Variants in TENM2 observed in about 807,000 individuals in gnomAD.
TENM2 encodes the protein teneurin-2.
TENM2 carries 52 observed loss-of-function variants against 245.2 expected under a neutral mutation model. The observed-to-expected ratio is 0.21, with a 90% CI of 0.17 to 0.27. The LOEUF is 0.27. Among genes scored for constraint, TENM2 ranks in the 10% least tolerant of loss-of-function variants. The probability of loss-of-function intolerance (pLI) is 1.00; values close to 1 mark genes in which losing one functional copy is unlikely to be tolerated. For synonymous variants in TENM2, 1,363 were observed against 1,438.9 expected, an observed-to-expected ratio of 0.95 and a Z score of 1.19; for missense variants, 3,046 against 3,666.8, an observed-to-expected ratio of 0.83 and a Z score of 4.37.
intron 12 of TENM2, among the ~76,000 whole-genome samples, chr5:168,159,269 C>T (rs1464360223): frequency 6.6e-6 from 1 of 152,152 alleles, no homozygotes; most frequent in African/African-American, 2.4e-5. Context: ...AACCTTTAGT[C>T]TCCAGGCAGC....
chr5:167,300,699 C>T (rs1166170724), intron 1 of TENM2, among the ~76,000 whole-genome samples: 3 of 151,562 alleles, frequency 2.0e-5, no homozygotes, highest in Admixed American at 1.3e-4. Flanking sequence ...CATGATTGGT[C>T]GATAAGGAAG....
chr5:167,393,150 AT>A (rs111551303), intron 2 of TENM2, among the ~76,000 whole-genome samples: 6,871 of 151,928 alleles, frequency 0.045, 306 homozygotes, highest in African/African-American at 0.12. Context: ...AAAAAAGTTA[AT>A]TTTTATTAGG....
At chr5:167,863,656 T>C (rs938750368) in intron 2 of TENM2, among the ~76,000 whole-genome samples, 5 of 151,946 alleles carry the variant, frequency 3.3e-5, no homozygotes, top group African/African-American at 1.2e-4. Context: ...AATAAATAAA[T>C]AAATATTAAA....
intron 4 of TENM2, among the ~76,000 whole-genome samples, chr5:167,957,786 G>A (rs150854886): frequency 6.6e-6 from 1 of 152,122 alleles, no homozygotes. Flanking sequence ...GTGCAGATTT[G>A]AGTGAGTTTC....
chr5:167,064,078 G>C, the TENM2 span, among the ~76,000 whole-genome samples: 3 of 152,148 alleles, frequency 2.0e-5, no homozygotes, highest in African/African-American at 7.2e-5. Flanking sequence ...CATGTGGGCT[G>C]TTTGCCCAAG....
intron 9 of TENM2, among the ~76,000 whole-genome samples, chr5:168,107,552 T>C (rs1235535581): frequency 2.1e-5 from 2 of 94,924 alleles, no homozygotes; most frequent in Non-Finnish European, 2.1e-5. Context: ...TTAGCAAGCC[T>C]CCTGGGGGGG....
chr5:167,244,496 A>T, the TENM2 span, among the ~76,000 whole-genome samples: 5 of 152,172 alleles, frequency 3.3e-5, no homozygotes, highest in Non-Finnish European at 7.3e-5. Context: ...GCGTTTTCCG[A>T]TGTATTTGTC....
intron 2 of TENM2, among the ~76,000 whole-genome samples, chr5:167,798,997 G>A (rs1765514212): frequency 6.6e-6 from 1 of 152,172 alleles, no homozygotes; most frequent in Non-Finnish European, 1.5e-5. Context: ...AGGCTTTGAT[G>A]GGGTTAGGAA....
At chr5:168,026,813 T>G (rs1381808581) in intron 5 of TENM2, among the ~76,000 whole-genome samples, 1 of 152,100 alleles carries the variant, frequency 6.6e-6, no homozygotes, top group Non-Finnish European at 1.5e-5. Context: ...TAAAATAGAT[T>G]TTTACTGTGA....
At chr5:167,136,418 G>A in the TENM2 span, among the ~76,000 whole-genome samples, 3 of 152,288 alleles carry the variant, frequency 2.0e-5, no homozygotes, top group East Asian at 3.9e-4. Flanking sequence ...TGGTTTATCA[G>A]CACTGGTTGT....
chr5:167,313,700 T>G (rs549151856), intron 1 of TENM2, among the ~76,000 whole-genome samples: 1 of 152,318 alleles, frequency 6.6e-6, no homozygotes, highest in South Asian at 2.1e-4. Flanking sequence ...GAGGCATAAA[T>G]GATTGCCCTT....
intron 2 of TENM2, among the ~76,000 whole-genome samples, chr5:167,400,667 A>G (rs1232908842): frequency 2.0e-5 from 3 of 152,092 alleles, no homozygotes; most frequent in African/African-American, 7.2e-5. Context: ...AGGGCCAAGG[A>G]CACGACCCTA....
At chr5:167,370,857 G>A (rs946514156) in intron 1 of TENM2, among the ~76,000 whole-genome samples, 1 of 152,172 alleles carries the variant, frequency 6.6e-6, no homozygotes, top group Non-Finnish European at 1.5e-5. Context: ...ATCTTAGCTT[G>A]GAGAATCACA....
chr5:167,550,021 G>T (rs1021471330), intron 2 of TENM2, among the ~76,000 whole-genome samples: 2 of 152,282 alleles, frequency 1.3e-5, no homozygotes, highest in Non-Finnish European at 2.9e-5. Context: ...GCCAGAAATT[G>T]CCTGTTTCAG....
the TENM2 span, among the ~76,000 whole-genome samples, chr5:167,174,677 T>C: frequency 6.6e-6 from 1 of 152,230 alleles, no homozygotes; most frequent in East Asian, 1.9e-4. Flanking sequence ...TGTGTAAGAG[T>C]ACCTAACATC....
At chr5:167,502,704 T>C (rs1443908088) in intron 2 of TENM2, among the ~76,000 whole-genome samples, 1 of 152,242 alleles carries the variant, frequency 6.6e-6, no homozygotes, top group Non-Finnish European at 1.5e-5. Flanking sequence ...ATGGTTGATT[T>C]TAGTCAAAAT....
intron 2 of TENM2, among the ~76,000 whole-genome samples, chr5:167,813,781 A>G (rs1766823998): frequency 6.6e-6 from 1 of 152,098 alleles, no homozygotes; most frequent in African/African-American, 2.4e-5. Context: ...AGTCCTAACC[A>G]CAAATCAGCT....
the TENM2 span, among the ~76,000 whole-genome samples, chr5:167,183,618 C>A: frequency 2.4e-4 from 36 of 152,218 alleles, no homozygotes; most frequent in East Asian, 6.8e-3. Flanking sequence ...TGGGGACACA[C>A]TTTTTCCTCT....
chr5:167,892,696 C>A (rs894957116), intron 3 of TENM2, among the ~76,000 whole-genome samples: 4 of 152,136 alleles, frequency 2.6e-5, no homozygotes, highest in African/African-American at 9.7e-5. Flanking sequence ...CCTCATTTTG[C>A]CTCGATTATA....
Sources: allele counts gnomAD v4.1 joint callset (sites outside exome capture counted in the v4.1 genomes callset), GRCh38; gene constraint gnomAD v4.1.1; transcripts MANE v1.5; gene names NCBI Gene and HGNC (gene_info 2026-07-23, HGNC 2026-07-21).